Variants in MLLT3 observed in about 807,000 individuals in gnomAD.
MLLT3 encodes the protein protein AF-9.
A neutral mutation model predicts 53.2 loss-of-function variants in MLLT3; 4 were observed. That is an observed-to-expected ratio of 0.08 (90% CI 0.04 to 0.17). MLLT3 has a LOEUF of 0.17. Ranked by LOEUF, MLLT3 falls within the 10% of genes least tolerant of loss-of-function variation. The pLI is 1.00. For synonymous variants in MLLT3, 283 were observed against 230.6 expected (o/e 1.23, Z -2.06); for missense variants, 569 against 684.0 (o/e 0.83, Z 1.87).
rs1820847630 is a variant in MLLT3 at position 20,345,651 on chromosome 9, T to C, written c.*792A>G. On this transcript the variant is annotated 3_prime_UTR_variant, in exon 11 of 11. Coordinates refer to ENST00000380338, the MANE Select transcript of MLLT3 (RefSeq NM_004529.4). The stretch of plus-strand genomic sequence containing the variant: ...CTTTTGTTTAAAAGTCCTACAAGTT[T>C]ATTGACTAAGGCTAGACAGCAATTC... The C allele has an allele frequency of 4.7e-6, 1 of 213,512 alleles. No individual in the cohort carries two copies. Among genetic ancestry groups the C allele is most frequent in the Non-Finnish European group, 9.5e-6 (1 of 105,354 alleles). The allele number at this position is 213,512 out of a possible 1,614,324, so 13.2% of individuals were successfully genotyped here.
intron 2 of MLLT3, among the ~76,000 whole-genome samples, chr9:20,605,426 C>T (rs1029853058): frequency 3.3e-5 from 5 of 151,748 alleles, no homozygotes; most frequent in East Asian, 3.8e-4. Context: ...ATGTGAATAA[C>T]GGAAACAAAG....
intron 2 of MLLT3, among the ~76,000 whole-genome samples, chr9:20,528,007 A>G (rs1477954816): frequency 6.6e-6 from 1 of 152,264 alleles, no homozygotes; most frequent in East Asian, 1.9e-4. Context: ...CCAGTGCAAT[A>G]GAAGTTTATT....
At chr9:20,439,899 A>T (rs1392086874) in intron 4 of MLLT3, among the ~76,000 whole-genome samples, 1 of 152,174 alleles carries the variant, frequency 6.6e-6, no homozygotes, top group Non-Finnish European at 1.5e-5. Context: ...ACACATACTT[A>T]TTTCAAAATC....
chr9:20,490,810 C>A (rs1405626704), intron 2 of MLLT3, among the ~76,000 whole-genome samples: 1 of 152,124 alleles, frequency 6.6e-6, no homozygotes, highest in African/African-American at 2.4e-5. Context: ...AAGTTATCAT[C>A]CTCCATTTTA....
intron 2 of MLLT3, among the ~76,000 whole-genome samples, chr9:20,599,015 C>G (rs1252999103): frequency 6.6e-6 from 1 of 152,240 alleles, no homozygotes; most frequent in Middle Eastern, 3.4e-3. Context: ...TTAGAATTTT[C>G]TTTGAGTAGG....
intron 2 of MLLT3, among the ~76,000 whole-genome samples, chr9:20,606,141 T>C (rs1248439405): frequency 6.6e-6 from 1 of 152,144 alleles, no homozygotes; most frequent in Non-Finnish European, 1.5e-5. Flanking sequence ...CTGGGAAATT[T>C]AGCTGGTTAT....
chr9:20,495,673 A>T (rs1168233670), intron 2 of MLLT3, among the ~76,000 whole-genome samples: 4 of 152,192 alleles, frequency 2.6e-5, no homozygotes, highest in African/African-American at 9.7e-5. Context: ...TTCTCTATTA[A>T]CAAAGCATTC....
intron 2 of MLLT3, among the ~76,000 whole-genome samples, chr9:20,510,224 A>C (rs1014724032): frequency 1.3e-5 from 2 of 152,184 alleles, no homozygotes; most frequent in African/African-American, 4.8e-5. Context: ...TCCAAGAAGG[A>C]AAAAAATGAG....
At chr9:20,601,266 A>T (rs1308616948) in intron 2 of MLLT3, among the ~76,000 whole-genome samples, 1 of 152,200 alleles carries the variant, frequency 6.6e-6, no homozygotes, top group Non-Finnish European at 1.5e-5. Context: ...GTATTCAAAA[A>T]GATGTCTCTG....
chr9:20,620,032 G>A lies in MLLT3; in HGVS notation c.193+622C>T, dbSNP rs1270728833. On this transcript the variant is annotated intron_variant, in intron 2 of 10. Coordinates refer to ENST00000380338, the MANE Select transcript of MLLT3 (RefSeq NM_004529.4). This position sits in a 1 kb window ranked among gnomAD's most constrained non-coding sequence, Gnocchi z 6.1. ...GCACGCGGGGGTGGGAGGGAGGAAC[G>A]AGTAAGCCCCCCAAGTAAACATAAA... Among the ~76,000 whole-genome samples the A allele has an allele frequency of 5.9e-5, 9 of 151,928 alleles. No individual in the cohort carries two copies. The highest frequency in any genetic ancestry group is 1.3e-4 in the Non-Finnish European group (9 of 67,980).
At chr9:20,557,469 C>T (rs978009100) in intron 2 of MLLT3, among the ~76,000 whole-genome samples, 2 of 152,158 alleles carry the variant, frequency 1.3e-5, no homozygotes, top group Admixed American at 1.3e-4. Flanking sequence ...CCCTGCTTGA[C>T]AGTTTTTGCC....
intron 2 of MLLT3, among the ~76,000 whole-genome samples, chr9:20,478,799 G>C (rs1448464150): frequency 1.3e-5 from 2 of 152,122 alleles, no homozygotes; most frequent in African/African-American, 4.8e-5. Flanking sequence ...ATTTAGAAAA[G>C]AGGCCATGTA....
chr9:20,522,193 G>C (rs913560710), intron 2 of MLLT3, among the ~76,000 whole-genome samples: 1 of 149,920 alleles, frequency 6.7e-6, no homozygotes, highest in Admixed American at 6.6e-5. Flanking sequence ...TACTACTGTA[G>C]TACAGAAACA....
chr9:20,587,028 GA>G (rs1186622852), intron 2 of MLLT3, among the ~76,000 whole-genome samples: 2 of 152,046 alleles, frequency 1.3e-5, no homozygotes, highest in Non-Finnish European at 2.9e-5. Flanking sequence ...GGAGTCAGGA[GA>G]AGCCAGCCAA....
At chr9:20,599,380 C>G (rs1223919091) in intron 2 of MLLT3, among the ~76,000 whole-genome samples, 1 of 147,736 alleles carries the variant, frequency 6.8e-6, no homozygotes, top group Non-Finnish European at 1.5e-5. Flanking sequence ...AATCCTAAGA[C>G]ATAAAGTTCC....
chr9:20,406,070 C>T (rs558826039), intron 5 of MLLT3, among the ~76,000 whole-genome samples: 7 of 152,010 alleles, frequency 4.6e-5, no homozygotes, highest in African/African-American at 9.6e-5. Context: ...CGAGATTGCA[C>T]CACTACACTC....
chr9:20,387,827 T>C (rs1446151396), intron 5 of MLLT3, among the ~76,000 whole-genome samples: 2 of 152,284 alleles, frequency 1.3e-5, no homozygotes, highest in East Asian at 3.9e-4. Flanking sequence ...TATCTAAAGG[T>C]CACTCGTTTA....
intron 4 of MLLT3, among the ~76,000 whole-genome samples, chr9:20,435,050 G>A (rs953207102): frequency 1.3e-5 from 2 of 152,068 alleles, no homozygotes; most frequent in African/African-American, 4.8e-5. Flanking sequence ...TTAGTCTTTA[G>A]AGACTCAGAG....
intron 4 of MLLT3, among the ~76,000 whole-genome samples, chr9:20,444,189 C>T (rs921823200): frequency 1.3e-5 from 2 of 152,146 alleles, no homozygotes; most frequent in African/African-American, 4.8e-5. Flanking sequence ...AGAAAATTAT[C>T]TGTCGTGATC....
Sources: allele counts gnomAD v4.1 joint callset (sites outside exome capture counted in the v4.1 genomes callset), GRCh38; gene constraint gnomAD v4.1.1; non-coding constraint Gnocchi (gnomAD v3.1); transcripts MANE v1.5; gene names NCBI Gene and HGNC (gene_info 2026-07-23, HGNC 2026-07-21).